Variants in JAZF1 observed in about 807,000 individuals in gnomAD.
JAZF1 encodes the protein JAZF zinc finger 1, also known as juxtaposed with another zinc finger protein 1.
A neutral mutation model predicts 26.4 loss-of-function variants in JAZF1; 8 were observed. That is an observed-to-expected ratio of 0.30 (90% CI 0.18 to 0.55). JAZF1 has a LOEUF of 0.55. Among genes scored for constraint, JAZF1 ranks in the 20% least tolerant of loss-of-function variants. The probability of loss-of-function intolerance (pLI) is 0.94; values close to 1 mark genes in which losing one functional copy is unlikely to be tolerated. For synonymous variants in JAZF1, 126 were observed against 122.3 expected (o/e 1.03, Z -0.20); for missense variants, 199 against 322.0 (o/e 0.62, Z 2.92).
At chr7:27,876,114 C>T (rs1783675028) in intron 3 of JAZF1, among the ~76,000 whole-genome samples, 1 of 152,188 alleles carries the variant, frequency 6.6e-6, no homozygotes, top group African/African-American at 2.4e-5. Flanking sequence ...ACCTGGTTAG[C>T]CAAGTGCCCA....
intron 1 of JAZF1, among the ~76,000 whole-genome samples, chr7:28,004,429 A>G (rs368672141): frequency 6.6e-6 from 1 of 151,862 alleles, no homozygotes; most frequent in Non-Finnish European, 1.5e-5. Flanking sequence ...GATGCCAAGG[A>G]CCCATCCCCA....
chr7:27,960,054 C>A (rs1785163640), intron 2 of JAZF1, among the ~76,000 whole-genome samples: 1 of 152,162 alleles, frequency 6.6e-6, no homozygotes, highest in Non-Finnish European at 1.5e-5. Context: ...ACCTTGCCAC[C>A]TACTTTACTC....
chr7:27,978,685 G>A (rs1785518421), intron 2 of JAZF1, among the ~76,000 whole-genome samples: 1 of 152,170 alleles, frequency 6.6e-6, no homozygotes, highest in African/African-American at 2.4e-5. Flanking sequence ...AAGAAAAAGT[G>A]CTCTGGAATC....
Position 27,832,970 on chromosome 7 carries a change from T to C in JAZF1, c.562A>G (p.Asn188Asp). 1 of 1,573,954 alleles carries C rather than the reference T, an allele frequency of 6.4e-7. No homozygotes were observed. Among genetic ancestry groups the C allele is most frequent in the Non-Finnish European group, 8.6e-7 (1 of 1,159,112 alleles). Reference protein sequence around the residue: ...PGCKKRYKNVNGIKYHAKNGH... With the variant: ...PGCKKRYKNVDGIKYHAKNGH... ...TTCTTAGCGTGATACTTTATGCCAT[T>C]CACATTCTGTGGAGAAGACAAAAAT... The change falls in exon 5 of 5, where the codon AAT becomes GAT. Residue 188 changes from asparagine to aspartate, a missense_variant. Physicochemically the swap from Asn to Asp is conservative, Grantham distance 23. Coordinates refer to ENST00000283928, the MANE Select transcript of JAZF1 (RefSeq NM_175061.4).
intron 1 of JAZF1, among the ~76,000 whole-genome samples, chr7:28,048,118 A>C (rs1783528835): frequency 6.6e-6 from 1 of 152,194 alleles, no homozygotes; most frequent in Non-Finnish European, 1.5e-5. Flanking sequence ...AGACAGAAGA[A>C]AGACCAACTT....
intron 1 of JAZF1, among the ~76,000 whole-genome samples, chr7:28,096,463 T>C (rs931077065): frequency 2.6e-5 from 4 of 152,392 alleles, no homozygotes; most frequent in Middle Eastern, 3.4e-3. Context: ...CTATCCACTA[T>C]TGAGCAAGGA....
chr7:28,045,776 G>A lies in JAZF1; in HGVS notation c.116-53795C>T, dbSNP rs538380737. On this transcript the variant is annotated intron_variant, in intron 1 of 4. Transcript: ENST00000283928. ...TTTTGTAGAGACACGGTCTCACTGTGTTGCCCAGGCTGGTCTTGAACTCCT... is the reference window on the plus strand; with the variant it reads ...TTTTGTAGAGACACGGTCTCACTGTATTGCCCAGGCTGGTCTTGAACTCCT... Among the ~76,000 whole-genome samples the A allele has an allele frequency of 1.3e-4, 20 of 152,234 alleles. 1 individual carries two copies. The South Asian group carries it at 3.9e-3, about 30-fold the overall frequency.
chr7:27,895,247 A>C lies in JAZF1; in HGVS notation c.358T>G (p.Ser120Ala). 6.2e-7 allele frequency: 1 copy of C among 1,605,678 alleles called. No individual in the cohort carries two copies. Among genetic ancestry groups the C allele is most frequent in the Non-Finnish European group, 8.5e-7 (1 of 1,176,312 alleles). Residue 120 changes from serine (S) to alanine (A), a missense_variant, in exon 3 of 5, where the codon TCT becomes GCT. By Grantham distance (99) the Ser-to-Ala change is moderately conservative. Around this residue, in one of 2 missense-constraint regions of JAZF1, gnomAD observed 137 missense variants for 184.8 expected, o/e 0.74. Coordinates refer to ENST00000283928, the MANE Select transcript of JAZF1 (RefSeq NM_175061.4). Reference protein sequence around the residue: ...PPVTPPITPSSSFRSSTPTGS... With the variant: ...PPVTPPITPSASFRSSTPTGS... ...GTCGGAGTGCTGCTGCGGAATGAAG[A>C]GGAGGGGGTGATGGGTGGGGTCACG...
chr7:27,955,417 C>A (rs546540806), intron 2 of JAZF1, among the ~76,000 whole-genome samples: 7 of 152,210 alleles, frequency 4.6e-5, no homozygotes, highest in African/African-American at 1.4e-4. Context: ...TAAACACTTA[C>A]CGTACTGAAG....
rs529534323 is a variant in JAZF1, at chr7:28,013,749, T to C, written c.116-21768A>G. Among the ~76,000 whole-genome samples, 8 of 152,280 alleles carry C rather than the reference T, an allele frequency of 5.3e-5. No homozygotes were observed. The East Asian group carries it at 5.8e-4, about 11-fold the overall frequency. ...TCCACAGGTCTTTAATCCTATCTGA[T>C]TGCTGGCCACAGAGAGACCAGGGCT... is the stretch of plus-strand genomic sequence containing the variant. On this transcript the variant is annotated intron_variant, in intron 1 of 4. Transcript: ENST00000283928.
intron 1 of JAZF1, among the ~76,000 whole-genome samples, chr7:28,021,318 C>G (rs1783003856): frequency 1.3e-5 from 2 of 152,190 alleles, no homozygotes; most frequent in African/African-American, 4.8e-5. Flanking sequence ...AGGAATCAGA[C>G]AAAACAGGAT....
chr7:27,971,944 A>G (rs2128359830), intron 2 of JAZF1, among the ~76,000 whole-genome samples: 1 of 152,350 alleles, frequency 6.6e-6, no homozygotes, highest in African/African-American at 2.4e-5. Flanking sequence ...GTAAAACTGT[A>G]AACTTGTTAC....
chr7:28,142,937 G>A (rs958698477), intron 1 of JAZF1, among the ~76,000 whole-genome samples: 3 of 152,204 alleles, frequency 2.0e-5, no homozygotes, highest in Admixed American at 6.5e-5. Flanking sequence ...TCTGGGGATA[G>A]AAAGTATGGG....
At chr7:27,987,953 G>T (rs1036433980) in intron 2 of JAZF1, among the ~76,000 whole-genome samples, 1 of 152,166 alleles carries the variant, frequency 6.6e-6, no homozygotes, top group Non-Finnish European at 1.5e-5. Context: ...TAAGGGTGGT[G>T]CAAGATGTGC....
chr7:28,034,853 T>C (rs1783257753), intron 1 of JAZF1, among the ~76,000 whole-genome samples: 2 of 152,190 alleles, frequency 1.3e-5, no homozygotes, highest in Admixed American at 1.3e-4. Flanking sequence ...AGGAATTTGC[T>C]ATTGAGTAAA....
chr7:28,023,423 G>A (rs571640462), intron 1 of JAZF1, among the ~76,000 whole-genome samples: 1 of 152,344 alleles, frequency 6.6e-6, no homozygotes, highest in South Asian at 2.1e-4. Context: ...TTGCATTCAT[G>A]AGGAAAACTA....
chr7:28,105,048 G>A (rs537945445), intron 1 of JAZF1, among the ~76,000 whole-genome samples: 5 of 152,272 alleles, frequency 3.3e-5, no homozygotes, highest in African/African-American at 1.2e-4. Flanking sequence ...GAAACCAAGA[G>A]TATTTAAAAT....
At chr7:28,059,011 C>A (rs1158979183) in intron 1 of JAZF1, among the ~76,000 whole-genome samples, 1 of 152,132 alleles carries the variant, frequency 6.6e-6, no homozygotes, top group Non-Finnish European at 1.5e-5. Flanking sequence ...CCCATGATAA[C>A]AAGACTGTTT....
chr7:28,107,104 G>A (rs995063317), intron 1 of JAZF1, among the ~76,000 whole-genome samples: 2 of 152,176 alleles, frequency 1.3e-5, no homozygotes, highest in African/African-American at 2.4e-5. Context: ...TGCCAACATC[G>A]AATTAATCTG....
Sources: gnomAD v4.1 joint callset for allele counts (sites outside exome capture counted in the v4.1 genomes callset) on GRCh38, gnomAD v4.1.1 for gene constraint, gnomAD v4.1.1 regional missense constraint, MANE v1.5 for transcripts, NCBI Gene and HGNC (gene_info 2026-07-23, HGNC 2026-07-21) for gene names.